Variants in NAT16 observed in about 807,000 individuals in gnomAD.
The protein encoded by NAT16 is N-acetyltransferase 16 (putative).
Under a neutral mutation model 15.9 loss-of-function variants are expected in NAT16, and 16 were observed. The ratio of observed to expected loss-of-function variants is 1.01; its 90% CI spans 0.68 to 1.53. The LOEUF is 1.53. NAT16 is among the 40% of genes most tolerant of loss of function. The pLI is 0.00. For synonymous variants in NAT16, 260 were observed against 241.9 expected (o/e 1.07, Z -0.69); for missense variants, 572 against 508.4 (o/e 1.13, Z -1.20).
intron 1 of NAT16, among the ~76,000 whole-genome samples, chr7:101,178,057 C>A (rs7804041): frequency 3.3e-5 from 5 of 152,036 alleles, no homozygotes; most frequent in African/African-American, 1.2e-4. Context: ...TGTGAGCAAC[C>A]GGTAGACTGG....
rs1276095841 is a variant in NAT16 at position 101,172,529 on chromosome 7, G to A, written c.660C>T (p.Gly220=). 1.1e-5 allele frequency: 18 copies of A among 1,573,486 alleles called. No homozygotes were observed. Among genetic ancestry groups the A allele is most frequent in the Non-Finnish European group, 1.5e-5 (17 of 1,167,876 alleles). Residue 220 remains glycine (G), a synonymous_variant, in exon 4 of 4, where the codon GGC becomes GGT. Transcript: ENST00000300303. This position sits in a 1 kb window ranked among gnomAD's most constrained non-coding sequence, Gnocchi z 4.2. ...PLPTEAVSEA[G]GDVARLLLSP... is the part of the protein sequence containing the mutation. Reference sequence around the variant, plus strand: ...ACAGCAGGAGGCGTGCCACGTCGCCGCCTGCCTCGGACACGGCCTCGGTGG... The same window carrying A: ...ACAGCAGGAGGCGTGCCACGTCGCCACCTGCCTCGGACACGGCCTCGGTGG...
Position 101,171,799 on chromosome 7 carries a change from A to G in NAT16, c.*280T>C. 1 of 404,182 alleles carries G rather than the reference A, an allele frequency of 2.5e-6. No homozygotes were observed. Among genetic ancestry groups the G allele is most frequent in the Non-Finnish European group, 4.4e-6 (1 of 225,592 alleles). The allele number at this position is 404,182 out of a possible 1,614,324, so 25.0% of individuals were successfully genotyped here. ...GGGGACCAGTTCTTTGGAAAAACAG[A>G]GGGTGGATAACAGCAGCTCAAGGCC... On this transcript the variant is annotated 3_prime_UTR_variant, in exon 4 of 4. Coordinates refer to ENST00000300303, the MANE Select transcript of NAT16 (RefSeq NM_198571.3).
Position 101,172,487 on chromosome 7 carries a change from G to T in NAT16, c.702C>A (p.Arg234=). 1 of 1,597,510 alleles carries T rather than the reference G, an allele frequency of 6.3e-7. No homozygotes were observed. ...ARLLLSPSVQ[R]DVLPGGTIIQ... is the part of the protein sequence containing the mutation. ...TGATGGTCCCGCCTGGAAGCACGTCGCGCTGCACGGAGGGTGACAGCAGGA... is the reference window on the plus strand; with the variant it reads ...TGATGGTCCCGCCTGGAAGCACGTCTCGCTGCACGGAGGGTGACAGCAGGA... The change falls in exon 4 of 4, where the codon CGC becomes CGA. Residue 234 remains arginine, a synonymous_variant. Coordinates refer to ENST00000300303, the MANE Select transcript of NAT16 (RefSeq NM_198571.3). This position sits in a 1 kb window ranked among gnomAD's most constrained non-coding sequence, Gnocchi z 4.2.
At chr7:101,173,589 G>C (rs1797395186) in intron 2 of NAT16, 69 bp from the exon 3 acceptor site, 15 of 1,357,404 alleles carry the variant, frequency 1.1e-5, no homozygotes, top group Non-Finnish European at 1.4e-5. Flanking sequence ...CGGTTCACTG[G>C]GCTCTCCTCT....
At chr7:101,174,875 C>A (rs1797432644) in intron 1 of NAT16, 64 bp from the exon 2 acceptor site, 1 of 1,494,484 alleles carries the variant, frequency 6.7e-7, no homozygotes, top group Admixed American at 2.3e-5. Flanking sequence ...TGGGCCCCTG[C>A]ACACAAACGG....
In NAT16 at chr7:101,173,705, C is replaced by A. The variant is rs1032582173; in HGVS notation, c.313-185G>T. Reference sequence around the variant, plus strand: ...CAGAGCCGGCAGAACAGTCATTCGCCGGGGCTTCGTCCACCTTTTTATTTT... The same window carrying A: ...CAGAGCCGGCAGAACAGTCATTCGCAGGGGCTTCGTCCACCTTTTTATTTT... On this transcript the variant is annotated intron_variant, in intron 2 of 3. Coordinates refer to ENST00000300303, the MANE Select transcript of NAT16 (RefSeq NM_198571.3). 2.9e-5 allele frequency: 16 copies of A among 548,422 alleles called. No individual in the cohort carries two copies. In the South Asian group the frequency reaches 4.3e-4, roughly 15 times the overall value. 34.0% of individuals were successfully genotyped at this position (548,422 alleles called of 1,614,324 possible).
At chr7:101,179,852 G>A (rs1045384520) in intron 1 of NAT16, among the ~76,000 whole-genome samples, 190 bp downstream of exon 1, 2 of 151,740 alleles carry the variant, frequency 1.3e-5, no homozygotes, top group African/African-American at 2.4e-5. Flanking sequence ...GGGGGGCGGG[G>A]GAGCGCTTCT....
chr7:101,177,759 A>G (rs1797498121), intron 1 of NAT16, among the ~76,000 whole-genome samples: 1 of 152,174 alleles, frequency 6.6e-6, no homozygotes, highest in Non-Finnish European at 1.5e-5. Flanking sequence ...GGATAAGCTG[A>G]TGAAGAACCA....
Position 101,174,593 on chromosome 7 carries a change from C to A in NAT16, c.215G>T (p.Gly72Val), listed in dbSNP as rs201666132. The change falls in exon 2 of 4, where the codon GGC becomes GTC. Residue 72 changes from glycine (G) to valine (V), a missense_variant. Gly to Val is a moderately radical substitution (Grantham distance 109). Transcript: ENST00000300303. ...AAGGTAGTCCAGGCCGCCGTAGATG[C>A]CCCCCGAGATGGCCAGCACTTCCTC... ...EFEEVLAISG[G>V]IYGGLDYLPS... The A allele has an allele frequency of 5.0e-6, 8 of 1,613,984 alleles. No individual in the cohort carries two copies. The highest frequency in any genetic ancestry group is 2.2e-5 in the East Asian group (1 of 44,888).
chr7:101,178,355 G>A (rs1255769303), intron 1 of NAT16, among the ~76,000 whole-genome samples: 2 of 152,080 alleles, frequency 1.3e-5, no homozygotes, highest in Non-Finnish European at 2.9e-5. Flanking sequence ...AATAAAACAG[G>A]TCAGCGACTC....
At chr7:101,179,453 G>T (rs1797543698) in intron 1 of NAT16, among the ~76,000 whole-genome samples, 1 of 151,684 alleles carries the variant, frequency 6.6e-6, no homozygotes, top group Non-Finnish European at 1.5e-5. Flanking sequence ...TCGCCCCGGG[G>T]TATGGGGGGC....
chr7:101,177,129 A>T (rs1797485147), intron 1 of NAT16, among the ~76,000 whole-genome samples: 1 of 152,150 alleles, frequency 6.6e-6, no homozygotes, highest in Non-Finnish European at 1.5e-5. Context: ...AGCCAGAATT[A>T]TCAGAGAGGA....
intron 2 of NAT16, 149 bp downstream of exon 2, chr7:101,174,347 C>T (rs1797414539): frequency 1.9e-6 from 2 of 1,070,606 alleles, no homozygotes; most frequent in African/African-American, 3.2e-5. Context: ...ATCCGCACTG[C>T]ACGCCCTGCA....
intron 1 of NAT16, among the ~76,000 whole-genome samples, chr7:101,175,634 AAAG>A (rs199894341): frequency 0.075 from 11,425 of 151,780 alleles, 595 homozygotes; most frequent in Non-Finnish European, 0.11. Flanking sequence ...TAAAAAAAAA[AAAG>A]AAGAAGAAGG....
chr7:101,175,921 C>CAAAAA (rs34778981), intron 1 of NAT16, among the ~76,000 whole-genome samples: 1 of 144,616 alleles, frequency 6.9e-6, no homozygotes. Context: ...GAACCTGTGT[C>CAAAAA]AAAAAAAAAA....
intron 2 of NAT16, 89 bp downstream of exon 2, chr7:101,174,407 G>C: frequency 7.0e-7 from 1 of 1,429,072 alleles, no homozygotes; most frequent in Non-Finnish European, 9.2e-7. Flanking sequence ...AGGAAGGCTG[G>C]GGAGAAGCTC....
chr7:101,173,426 G>A lies in NAT16; in HGVS notation c.407C>T (p.Ala136Val), dbSNP rs776748256. The A allele has an allele frequency of 1.2e-6, 2 of 1,612,928 alleles. No homozygotes were observed. The highest frequency in any genetic ancestry group is 1.7e-6 in the Non-Finnish European group (2 of 1,179,422). The change falls in exon 3 of 4, where the codon GCC (alanine) becomes GTC (valine). Residue 136 changes from alanine (A) to valine (V), a missense_variant. Coordinates refer to ENST00000300303, the MANE Select transcript of NAT16 (RefSeq NM_198571.3). ...VAPWERGKGV[A>V]GLLQRFCSQL... ...CGAGCAGAAGCGCTGCAGCAGCCCGGCCACGCCCTTCCCGCGCTCCCAGGG... is the reference window on the plus strand; with the variant it reads ...CGAGCAGAAGCGCTGCAGCAGCCCGACCACGCCCTTCCCGCGCTCCCAGGG...
chr7:101,172,325 G>A lies in NAT16; in HGVS notation c.864C>T (p.His288=), dbSNP rs758550197. The stretch of plus-strand genomic sequence containing the variant: ...GATAGCGCCAAGTGCCGTCCCCTCC[G>A]TGCGGGATGGGGAAGGGGCGCGTGC... ...TLCTRPFPIP[H]GGDGTWRYLN... is the part of the protein sequence containing the mutation. The change falls in exon 4 of 4, where the codon CAC becomes CAT. Residue 288 remains histidine, a synonymous_variant. Coordinates refer to ENST00000300303, the MANE Select transcript of NAT16 (RefSeq NM_198571.3). The surrounding 1 kb of genome is among the most constrained non-coding windows in gnomAD (Gnocchi z 4.2). 4 of 1,605,722 alleles carry A rather than the reference G, an allele frequency of 2.5e-6. No homozygotes were observed. The South Asian group carries it at 3.3e-5, about 13-fold the overall frequency.
At position 101,171,172 on chromosome 7, in the gene NAT16, CCA is replaced by C. The variant is rs1170046522; in HGVS notation, c.*905_*906del. 2 of 139,598 alleles carry C rather than the reference CCA, an allele frequency of 1.4e-5. No individual in the cohort carries two copies. Among genetic ancestry groups the C allele is most frequent in the Non-Finnish European group, 3.2e-5 (2 of 62,890 alleles). 8.6% of individuals were successfully genotyped at this position (139,598 alleles called of 1,614,324 possible). On this transcript the variant is annotated 3_prime_UTR_variant, in exon 4 of 4. Coordinates refer to ENST00000300303, the MANE Select transcript of NAT16 (RefSeq NM_198571.3). ...ACCAAACTCTTCAGCTAGAACCACA[CCA>C]CACACACACCACCACCACCACCACC...
Sources: gnomAD v4.1 joint callset for allele counts (sites outside exome capture counted in the v4.1 genomes callset) on GRCh38, gnomAD v4.1.1 for gene constraint, Gnocchi (gnomAD v3.1) non-coding constraint, MANE v1.5 for transcripts, NCBI Gene and HGNC (gene_info 2026-07-23, HGNC 2026-07-21) for gene names.